CLIP2: variants seen among roughly 807,000 people sequenced by gnomAD.
The protein encoded by CLIP2 is CAP-Gly domain-containing linker protein 2.
A neutral mutation model predicts 111.7 loss-of-function variants in CLIP2; 41 were observed. The ratio of observed to expected loss-of-function variants is 0.37; its 90% CI spans 0.29 to 0.48. The LOEUF (loss-of-function observed/expected upper bound fraction) is 0.48, where lower values mean the gene tolerates loss of function less well. Ranked by LOEUF, CLIP2 falls within the 20% of genes least tolerant of loss-of-function variation. CLIP2 has a pLI of 0.99. For missense variants in CLIP2, 1,160 were observed against 1,422.1 expected, an observed-to-expected ratio of 0.82 and a Z score of 2.96; for synonymous variants, 660 against 644.2, an observed-to-expected ratio of 1.02 and a Z score of -0.37.
rs376013943 is a variant in CLIP2, at chr7:74,350,472, C to T, written c.679-3408C>T. ...ATCCTCCTGCCTCAGCTTCCCAAAACACTAGGATTACAGGCATGAGCCACC... is the reference window on the plus strand; with the variant it reads ...ATCCTCCTGCCTCAGCTTCCCAAAATACTAGGATTACAGGCATGAGCCACC... On this transcript the variant is annotated intron_variant, in intron 3 of 16. Coordinates refer to ENST00000223398, the MANE Select transcript of CLIP2 (RefSeq NM_003388.5). 2.0e-5 allele frequency among the ~76,000 whole-genome samples: 3 copies of T among 151,964 alleles called. No individual in the cohort carries two copies. The South Asian group carries it at 6.2e-4, about 32-fold the overall frequency.
At chr7:74,328,750 CTTTTT>C (rs1172549044) in intron 2 of CLIP2, among the ~76,000 whole-genome samples, 2 of 151,938 alleles carry the variant, frequency 1.3e-5, no homozygotes, top group Admixed American at 1.3e-4. Flanking sequence ...GGTAAAATGC[CTTTTT>C]TTCTTTTCTT....
chr7:74,385,143 A>G (rs1554314584), intron 11 of CLIP2, among the ~76,000 whole-genome samples: 1 of 150,362 alleles, frequency 6.7e-6, no homozygotes, highest in African/African-American at 2.4e-5. Flanking sequence ...AAAAAAAAAA[A>G]AGTTAGCCGG....
intron 1 of CLIP2, among the ~76,000 whole-genome samples, chr7:74,300,264 G>T (rs571023900): frequency 6.6e-6 from 1 of 152,220 alleles, no homozygotes; most frequent in South Asian, 2.1e-4. Flanking sequence ...TGGGATTACA[G>T]GCATGAGCCC....
At chr7:74,331,507 G>A (rs1271518830) in intron 2 of CLIP2, among the ~76,000 whole-genome samples, 1 of 151,002 alleles carries the variant, frequency 6.6e-6, no homozygotes, top group Non-Finnish European at 1.5e-5. Context: ...AGCAAGAGGG[G>A]ATCAATTTGT....
chr7:74,381,454 T>C, intron 11 of CLIP2: 1 of 346,268 alleles, frequency 2.9e-6, no homozygotes, highest in East Asian at 8.7e-5. Flanking sequence ...CCCGAAGTGT[T>C]GGGATTACAG....
chr7:74,394,360 C>T (rs1191762609), intron 13 of CLIP2, among the ~76,000 whole-genome samples: 1 of 149,472 alleles, frequency 6.7e-6, no homozygotes, highest in Non-Finnish European at 1.5e-5. Flanking sequence ...AAGCAATTCT[C>T]CTGCCCCAGC....
chr7:74,338,793 G>A lies in CLIP2; in HGVS notation c.467G>A (p.Ser156Asn). The change falls in exon 3 of 17, where the codon AGT becomes AAT. Residue 156 changes from serine to asparagine, a missense_variant. Transcript: ENST00000223398. This position sits in a 1 kb window ranked among gnomAD's most constrained non-coding sequence, Gnocchi z 4.3. Reference protein sequence around the residue: ...TRQPTAEGSGSDAHSVESLTA... With the variant: ...TRQPTAEGSGNDAHSVESLTA... The stretch of plus-strand genomic sequence containing the variant: ...CAGCCCACGGCCGAGGGCTCGGGGA[G>A]TGATGCCCACTCCGTGGAGTCGCTG... 6.2e-7 allele frequency: 1 copy of A among 1,611,098 alleles called. No homozygotes were observed. Among genetic ancestry groups the A allele is most frequent in the Non-Finnish European group, 8.5e-7 (1 of 1,179,732 alleles).
intron 1 of CLIP2, among the ~76,000 whole-genome samples, chr7:74,313,105 C>T (rs998753785): frequency 2.0e-5 from 3 of 151,626 alleles, no homozygotes; most frequent in Non-Finnish European, 2.9e-5. Flanking sequence ...TGCTTTACCC[C>T]AGGAGTTTGG....
chr7:74,317,851 G>A (rs1554729363), intron 2 of CLIP2, among the ~76,000 whole-genome samples, 184 bp downstream of exon 2: 1 of 152,188 alleles, frequency 6.6e-6, no homozygotes, highest in African/African-American at 2.4e-5. Context: ...CCCAGGGAGG[G>A]GACATGGGCG....
intron 3 of CLIP2, among the ~76,000 whole-genome samples, chr7:74,353,645 C>T (rs1790071451): frequency 6.6e-6 from 1 of 152,204 alleles, no homozygotes; most frequent in Non-Finnish European, 1.5e-5. Flanking sequence ...AGTTTGAATG[C>T]AGGTCTGTGT....
chr7:74,289,635 G>T lies in CLIP2; in HGVS notation c.-167G>T, dbSNP rs1296190749. On this transcript the variant is annotated 5_prime_UTR_variant, in exon 1 of 17. Transcript: ENST00000223398. ...CGGTGGGCAGCGCCGCGCAGGGAGG[G>T]GCCGCAGCATCCTCGCCCCCCAGCG... 5 of 152,060 alleles carry T rather than the reference G, an allele frequency of 3.3e-5. No individual in the cohort carries two copies. The highest frequency in any genetic ancestry group is 5.9e-5 in the Non-Finnish European group (4 of 68,024). The allele number at this position is 152,060 out of a possible 1,614,324, so 9.4% of individuals were successfully genotyped here.
Position 74,375,882 on chromosome 7 carries a change from C to G in CLIP2, c.1486-5C>G, listed in dbSNP as rs534749977. On this transcript the variant is annotated splice_polypyrimidine_tract_variant and splice_region_variant and intron_variant, in intron 9 of 16. Transcript: ENST00000223398. ...GCTGATCCCTGTCTCCCTCTCTCCC[C>G]ACAGCTGACCACAGTGGCCGAGAAG... 4 of 1,527,758 alleles carry G rather than the reference C, an allele frequency of 2.6e-6. No individual in the cohort carries two copies. The highest frequency in any genetic ancestry group is 3.5e-6 in the Non-Finnish European group (4 of 1,136,748). 94.6% of individuals were successfully genotyped at this position (1,527,758 alleles called of 1,614,324 possible).
intron 1 of CLIP2, among the ~76,000 whole-genome samples, chr7:74,293,846 A>C (rs957364369): frequency 2.6e-5 from 4 of 151,996 alleles, no homozygotes; most frequent in Non-Finnish European, 5.9e-5. Context: ...CTGCCCCGGG[A>C]CAGGAGGAGG....
At chr7:74,359,339 A>T (rs1426287181) in intron 6 of CLIP2, among the ~76,000 whole-genome samples, 23 of 108,110 alleles carry the variant, frequency 2.1e-4, no homozygotes, top group Admixed American at 2.9e-4. Context: ...GACTGTCTAC[A>T]TTTCAGGTTT....
intron 14 of CLIP2, among the ~76,000 whole-genome samples, chr7:74,397,451 G>T (rs1165897404): frequency 6.6e-6 from 1 of 152,096 alleles, no homozygotes; most frequent in Non-Finnish European, 1.5e-5. Context: ...GGCAGTCTGT[G>T]TGATACGGTG....
chr7:74,315,003 G>A (rs113519567), intron 1 of CLIP2, among the ~76,000 whole-genome samples: 55 of 152,368 alleles, frequency 3.6e-4, no homozygotes, highest in African/African-American at 1.3e-3. Context: ...CTGGCCGGGC[G>A]TGGTGGCTCA....
chr7:74,356,525 G>T lies in CLIP2; in HGVS notation c.919G>T (p.Gly307Cys). The T allele has an allele frequency of 6.2e-7, 1 of 1,614,174 alleles. No individual in the cohort carries two copies. The highest frequency in any genetic ancestry group is 8.5e-7 in the Non-Finnish European group (1 of 1,180,036). Residue 307 changes from glycine (G) to cysteine (C), a missense_variant, in exon 5 of 17, where the codon GGT becomes TGT. Gly to Cys is a radical substitution (Grantham distance 159, BLOSUM62 -3). This residue lies in a region of CLIP2 where 110 missense variants were observed against 185.2 expected (regional missense o/e 0.59). Transcript: ENST00000223398. Reference protein sequence around the residue: ...KAKKTKRMAMGVSALTHSPSS... With the variant: ...KAKKTKRMAMCVSALTHSPSS... ...CAAGAAGACCAAGCGTATGGCCATGGGTGTGTCAGCACTGACCCACAGTCC... is the reference window on the plus strand; with the variant it reads ...CAAGAAGACCAAGCGTATGGCCATGTGTGTGTCAGCACTGACCCACAGTCC...
intron 14 of CLIP2, among the ~76,000 whole-genome samples, chr7:74,397,823 C>A (rs1056515868): frequency 6.6e-6 from 1 of 151,378 alleles, no homozygotes; most frequent in Admixed American, 6.6e-5. Context: ...CCCGCCACCA[C>A]GCCTGGCTAA....
At chr7:74,390,551 C>G (rs1326032583) in intron 13 of CLIP2, among the ~76,000 whole-genome samples, 1 of 151,908 alleles carries the variant, frequency 6.6e-6, no homozygotes, top group African/African-American at 2.4e-5. Flanking sequence ...CATCTGTAAT[C>G]CCAGCTACTC....
Sources: allele counts gnomAD v4.1 joint callset (sites outside exome capture counted in the v4.1 genomes callset), GRCh38; gene constraint gnomAD v4.1.1; regional missense constraint gnomAD v4.1.1; non-coding constraint Gnocchi (gnomAD v3.1); transcripts MANE v1.5; gene names NCBI Gene and HGNC (gene_info 2026-07-23, HGNC 2026-07-21).